USP48: variants seen among roughly 807,000 people sequenced by gnomAD.
The protein encoded by USP48 is ubiquitin carboxyl-terminal hydrolase 48.
A neutral mutation model predicts 150.7 loss-of-function variants in USP48; 43 were observed. The ratio of observed to expected loss-of-function variants is 0.29; its 90% CI spans 0.22 to 0.37. The LOEUF (loss-of-function observed/expected upper bound fraction) is 0.37. Among genes scored for constraint, USP48 ranks in the 10% least tolerant of loss-of-function variants. The probability of loss-of-function intolerance (pLI) is 1.00; values close to 1 mark genes in which losing one functional copy is unlikely to be tolerated. For missense variants in USP48, 813 were observed against 1,249.6 expected, an observed-to-expected ratio of 0.65 and a Z score of 5.27; for synonymous variants, 396 against 425.9, an observed-to-expected ratio of 0.93 and a Z score of 0.86.
intron 11 of USP48, among the ~76,000 whole-genome samples, chr1:21,726,142 G>T (rs1010403805): frequency 1.3e-5 from 2 of 152,122 alleles, no homozygotes; most frequent in African/African-American, 2.4e-5. Flanking sequence ...ATCTGTTATT[G>T]CTAACTGAAA....
At chr1:21,691,794 A>G (rs2097601995) in intron 23 of USP48, among the ~76,000 whole-genome samples, 1 of 152,206 alleles carries the variant, frequency 6.6e-6, no homozygotes, top group Non-Finnish European at 1.5e-5. Flanking sequence ...AACACAGGTA[A>G]CCTTCAATGA....
chr1:21,758,698 C>T (rs1403443080), intron 1 of USP48, among the ~76,000 whole-genome samples: 6 of 151,682 alleles, frequency 4.0e-5, no homozygotes, highest in African/African-American at 1.5e-4. Flanking sequence ...TGCAGGGAGC[C>T]GAGATTACAC....
chr1:21,739,522 A>G (rs1401996335), intron 8 of USP48, among the ~76,000 whole-genome samples: 7 of 119,516 alleles, frequency 5.9e-5, no homozygotes, highest in African/African-American at 2.2e-4. Context: ...CCGTCTCAAA[A>G]AAAAAAAAAA....
chr1:21,732,694 T>C (rs1216142584), intron 9 of USP48: 4 of 377,402 alleles, frequency 1.1e-5, no homozygotes, highest in Non-Finnish European at 2.0e-5. Flanking sequence ...TTCTGTAGGG[T>C]AAACATAATG....
At chr1:21,761,705 G>C (rs753717187) in intron 1 of USP48, among the ~76,000 whole-genome samples, 8 of 152,270 alleles carry the variant, frequency 5.3e-5, no homozygotes, top group Admixed American at 1.3e-4. Context: ...AATGAACTAT[G>C]ATTGCACCTG....
intron 14 of USP48, among the ~76,000 whole-genome samples, chr1:21,718,124 T>C (rs2097709749): frequency 6.6e-6 from 1 of 152,184 alleles, no homozygotes; most frequent in Admixed American, 6.5e-5. Flanking sequence ...TTCTCAGAAA[T>C]AATCGGAAAA....
chr1:21,755,502 C>CATGT (rs2097830350), intron 3 of USP48, among the ~76,000 whole-genome samples: 1 of 152,102 alleles, frequency 6.6e-6, no homozygotes, highest in Non-Finnish European at 1.5e-5. Context: ...GTTGAGGCTA[C>CATGT]AGTGAGCTGT....
chr1:21,701,625 G>C, intron 21 of USP48, 23 bp from the exon 22 acceptor site: 1 of 1,608,710 alleles, frequency 6.2e-7, no homozygotes, highest in Non-Finnish European at 8.5e-7. Flanking sequence ...GGACAACAAA[G>C]AGAAGTAGGT....
intron 23 of USP48, among the ~76,000 whole-genome samples, chr1:21,694,299 G>A (rs2097614600): frequency 2.0e-5 from 3 of 151,956 alleles, no homozygotes; most frequent in Admixed American, 2.0e-4. Flanking sequence ...AAGGCCGGGC[G>A]CGGTGGCTCA....
At chr1:21,740,417 A>G (rs577314612) in intron 8 of USP48, among the ~76,000 whole-genome samples, 1 of 152,378 alleles carries the variant, frequency 6.6e-6, no homozygotes, top group Admixed American at 6.5e-5. Flanking sequence ...AAATGGTAAG[A>G]GAAAATTATC....
chr1:21,703,628 A>C lies in USP48; in HGVS notation c.2516-10T>G. The C allele has an allele frequency of 2.4e-6, 2 of 837,110 alleles. No individual in the cohort carries two copies. The highest frequency in any genetic ancestry group is 3.1e-6 in the Non-Finnish European group (2 of 644,076). The allele number at this position is 837,110 out of a possible 1,614,324, so 51.9% of individuals were successfully genotyped here. A position where few individuals can be genotyped will look rare whatever the true frequency, so the allele number is the denominator to read the frequency against. The stretch of plus-strand genomic sequence containing the variant: ...CATTCTGGACAGAGTTCTTTGGGGG[A>C]AAAAAAAAAAGGGAAAACAGAAGTG... On this transcript the variant is annotated splice_polypyrimidine_tract_variant and intron_variant, in intron 20 of 26. Transcript: ENST00000308271.
intron 22 of USP48, among the ~76,000 whole-genome samples, chr1:21,696,412 T>C (rs1021228912): frequency 6.6e-6 from 1 of 152,200 alleles, no homozygotes; most frequent in Non-Finnish European, 1.5e-5. Flanking sequence ...CACTCCAGCC[T>C]GGGCAACAAG....
At chr1:21,754,800 C>T (rs1383876644) in intron 3 of USP48, among the ~76,000 whole-genome samples, 5 of 152,180 alleles carry the variant, frequency 3.3e-5, no homozygotes, top group African/African-American at 1.2e-4. Flanking sequence ...CCCGGACACT[C>T]TCTCAGGTGA....
intron 1 of USP48, among the ~76,000 whole-genome samples, chr1:21,772,148 C>T (rs2097882580): frequency 6.6e-6 from 1 of 152,070 alleles, no homozygotes; most frequent in African/African-American, 2.4e-5. Flanking sequence ...AGTAAACCAT[C>T]AGTACTAAAA....
chr1:21,709,038 T>C (rs1224637670), intron 15 of USP48, among the ~76,000 whole-genome samples: 3 of 151,608 alleles, frequency 2.0e-5, no homozygotes, highest in Non-Finnish European at 4.4e-5. Flanking sequence ...GCCTCCTGAG[T>C]AGTCTGGCTA....
intron 1 of USP48, among the ~76,000 whole-genome samples, chr1:21,770,481 CTTTT>C (rs548583450): frequency 8.6e-6 from 1 of 115,836 alleles, no homozygotes; most frequent in African/African-American, 3.3e-5. Flanking sequence ...AATCAAGTGT[CTTTT>C]TTTTTTTTTT....
chr1:21,738,099 C>T (rs1025135068), intron 8 of USP48, among the ~76,000 whole-genome samples: 1 of 150,176 alleles, frequency 6.7e-6, no homozygotes, highest in East Asian at 1.9e-4. Context: ...CTCATGTTGC[C>T]CAGGCTGGAG....
At chr1:21,748,813 A>G (rs2097801752) in intron 6 of USP48, among the ~76,000 whole-genome samples, 1 of 152,208 alleles carries the variant, frequency 6.6e-6, no homozygotes, top group African/African-American at 2.4e-5. Flanking sequence ...CGGGAGGCTG[A>G]GACACAAGAA....
intron 26 of USP48, among the ~76,000 whole-genome samples, chr1:21,679,843 G>A (rs558831627): frequency 1.8e-4 from 27 of 152,230 alleles, no homozygotes; most frequent in Admixed American, 1.4e-3. Flanking sequence ...ACAGGCGCAC[G>A]CCACCATGCC....
Sources: allele counts gnomAD v4.1 joint callset (sites outside exome capture counted in the v4.1 genomes callset), GRCh38; gene constraint gnomAD v4.1.1; transcripts MANE v1.5; gene names NCBI Gene and HGNC (gene_info 2026-07-23, HGNC 2026-07-21).